The following NDST4 variants were observed in gnomAD, a reference collection of about 807,000 sequenced individuals.
The protein encoded by NDST4 is N-heparan sulfate sulfotransferase 4.
NDST4 carries 63 observed loss-of-function variants against 100.8 expected under a neutral mutation model. The ratio of observed to expected loss-of-function variants is 0.62; its 90% CI spans 0.51 to 0.77. The LOEUF (loss-of-function observed/expected upper bound fraction) is 0.77, where lower values mean the gene tolerates loss of function less well. Ranked by LOEUF, NDST4 falls within the 30% of genes least tolerant of loss-of-function variation. The pLI, the probability that NDST4 is intolerant of heterozygous loss-of-function variation, is 0.00. For synonymous variants in NDST4, 377 were observed against 361.8 expected (o/e 1.04, Z -0.48); for missense variants, 943 against 1,018.4 (o/e 0.93, Z 1.01).
intron 2 of NDST4, among the ~76,000 whole-genome samples, chr4:115,021,510 A>C: frequency 7.2e-6 from 1 of 139,278 alleles, no homozygotes; most frequent in African/African-American, 2.7e-5. Flanking sequence ...CGTTCCACAT[A>C]TACACATTCC....
chr4:114,994,593 G>A (rs1219905153), intron 2 of NDST4, among the ~76,000 whole-genome samples: 2 of 151,946 alleles, frequency 1.3e-5, no homozygotes, highest in Non-Finnish European at 2.9e-5. Context: ...CAGTGTTGCT[G>A]TAATTACTGT....
At chr4:114,846,271 G>T (rs1293614184) in intron 9 of NDST4, among the ~76,000 whole-genome samples, 1 of 152,150 alleles carries the variant, frequency 6.6e-6, no homozygotes, top group African/African-American at 2.4e-5. Context: ...TTGGGCTGAT[G>T]TTCTGTGCTA....
intron 1 of NDST4, among the ~76,000 whole-genome samples, chr4:115,088,202 A>G (rs1729445232): frequency 6.6e-6 from 1 of 152,022 alleles, no homozygotes; most frequent in Non-Finnish European, 1.5e-5. Context: ...GAACTGGCTC[A>G]AAATTATGCA....
At chr4:114,981,761 C>T (rs540225300) in intron 2 of NDST4, among the ~76,000 whole-genome samples, 20 of 152,264 alleles carry the variant, frequency 1.3e-4, no homozygotes, top group Non-Finnish European at 1.5e-5. Context: ...TAGGTTGTTA[C>T]TCTCAGGCTA....
intron 2 of NDST4, among the ~76,000 whole-genome samples, chr4:115,038,557 T>C (rs1370875030): frequency 6.6e-6 from 1 of 152,194 alleles, no homozygotes; most frequent in Non-Finnish European, 1.5e-5. Flanking sequence ...TGAGGTACCC[T>C]ATCTCTAATA....
At chr4:114,905,873 C>A (rs1724938505) in intron 6 of NDST4, among the ~76,000 whole-genome samples, 1 of 151,884 alleles carries the variant, frequency 6.6e-6, no homozygotes, top group South Asian at 2.1e-4. Flanking sequence ...GTAGTCTGTG[C>A]TGGAAGGTAA....
intron 4 of NDST4, among the ~76,000 whole-genome samples, chr4:114,963,373 G>T (rs1363564427): frequency 6.6e-6 from 1 of 152,164 alleles, no homozygotes; most frequent in Non-Finnish European, 1.5e-5. Flanking sequence ...CCCACGTCCA[G>T]TATAAGCAAA....
chr4:114,916,999 T>C (rs1194019794), intron 6 of NDST4, among the ~76,000 whole-genome samples: 1 of 152,132 alleles, frequency 6.6e-6, no homozygotes, highest in East Asian at 1.9e-4. Flanking sequence ...GTATATATAG[T>C]TGTCCCTTGG....
rs1227310987 is a variant in NDST4 at position 114,929,041 on chromosome 4, T to TGTCCGTCC, written c.1536+6157_1536+6164dup. Reference sequence around the variant, plus strand: ...CTATCTATCTGTCTGTCTGTCTGTCTGTCCGTCCGTCCGTCCGTCCGTCCG... The same window carrying TGTCCGTCC: ...CTATCTATCTGTCTGTCTGTCTGTCTGTCCGTCCGTCCGTCCGTCCGTCCGTCCGTCCG... On this transcript the variant is annotated intron_variant, in intron 6 of 13. Coordinates refer to ENST00000264363, the MANE Select transcript of NDST4 (RefSeq NM_022569.3). Among the ~76,000 whole-genome samples, 540 of 121,712 alleles carry TGTCCGTCC rather than the reference T, an allele frequency of 4.4e-3. 6 individuals are homozygous for TGTCCGTCC. Among genetic ancestry groups the TGTCCGTCC allele is most frequent in the Middle Eastern group, 0.022 (5 of 228 alleles). The allele number at this position is 121,712 out of a possible 152,430, so 79.8% of individuals were successfully genotyped here.
chr4:114,858,223 A>G (rs1033398529), intron 7 of NDST4, among the ~76,000 whole-genome samples: 5 of 152,182 alleles, frequency 3.3e-5, no homozygotes, highest in African/African-American at 1.2e-4. Flanking sequence ...CATTGATTAT[A>G]TTGGACACTG....
At chr4:114,979,552 A>C (rs1380929034) in intron 2 of NDST4, among the ~76,000 whole-genome samples, 1 of 151,914 alleles carries the variant, frequency 6.6e-6, no homozygotes, top group Non-Finnish European at 1.5e-5. Flanking sequence ...TTCCAATGGT[A>C]ATATGATAAA....
intron 7 of NDST4, among the ~76,000 whole-genome samples, chr4:114,856,000 C>A (rs1040867300): frequency 6.6e-6 from 1 of 152,028 alleles, no homozygotes; most frequent in African/African-American, 2.4e-5. Context: ...AATTACTCTT[C>A]TCTGTAAGCC....
At chr4:115,047,883 CTT>C (rs1448014787) in intron 2 of NDST4, among the ~76,000 whole-genome samples, 4 of 151,880 alleles carry the variant, frequency 2.6e-5, no homozygotes, top group African/African-American at 9.7e-5. Flanking sequence ...AAAATAATGA[CTT>C]GTCAAATTGT....
chr4:114,924,716 G>A (rs907722610), intron 6 of NDST4, among the ~76,000 whole-genome samples: 5 of 152,114 alleles, frequency 3.3e-5, no homozygotes, highest in East Asian at 3.9e-4. Context: ...ATGAAGAGAC[G>A]TTGATTAATG....
intron 6 of NDST4, among the ~76,000 whole-genome samples, chr4:114,927,464 T>C (rs183180629): frequency 4.9e-4 from 74 of 152,172 alleles, no homozygotes; most frequent in Admixed American, 1.4e-3. Context: ...ATATTTATCC[T>C]TATATAATGG....
intron 6 of NDST4, among the ~76,000 whole-genome samples, chr4:114,901,584 G>A (rs1724839540): frequency 6.6e-6 from 1 of 151,782 alleles, no homozygotes. Context: ...TATCCACTCT[G>A]ACAATCTCTA....
chr4:115,111,597 TAATC>T (rs1234676663), intron 1 of NDST4, among the ~76,000 whole-genome samples: 1 of 151,738 alleles, frequency 6.6e-6, no homozygotes, highest in Non-Finnish European at 1.5e-5. Context: ...ATATTTGCAT[TAATC>T]AATTTAAAAA....
intron 1 of NDST4, among the ~76,000 whole-genome samples, chr4:115,087,029 T>C (rs1217848652): frequency 6.6e-6 from 1 of 152,036 alleles, no homozygotes; most frequent in South Asian, 2.1e-4. Context: ...TTTACCCTTA[T>C]ACTACTAAAA....
At chr4:115,036,720 A>G (rs1471586026) in intron 2 of NDST4, among the ~76,000 whole-genome samples, 2 of 151,958 alleles carry the variant, frequency 1.3e-5, no homozygotes, top group Admixed American at 1.3e-4. Flanking sequence ...TTAATGGTAC[A>G]TGAGTAATTT....
Sources: gnomAD v4.1 joint callset for allele counts (sites outside exome capture counted in the v4.1 genomes callset) on GRCh38, gnomAD v4.1.1 for gene constraint, MANE v1.5 for transcripts, NCBI Gene and HGNC (gene_info 2026-07-23, HGNC 2026-07-21) for gene names.